FGD3: variants seen among roughly 807,000 people sequenced by gnomAD.
FGD3 encodes the protein FYVE, RhoGEF and PH domain-containing protein 3.
FGD3 carries 45 observed loss-of-function variants against 71.8 expected under a neutral mutation model. That is an observed-to-expected ratio of 0.63 (90% CI 0.49 to 0.80). The LOEUF (loss-of-function observed/expected upper bound fraction) is 0.80. FGD3 is among the 30% of genes least tolerant of loss of function. The pLI is 0.00. For missense variants in FGD3, 844 were observed against 951.5 expected (o/e 0.89, Z 1.49); for synonymous variants, 378 against 392.8 (o/e 0.96, Z 0.44).
chr9:93,033,534 C>T (rs1862459561), intron 16 of FGD3: 2 of 158,276 alleles, frequency 1.3e-5, no homozygotes, highest in East Asian at 1.9e-4. Context: ...TTCCTCTTTT[C>T]CTCCTCCACT....
rs141618615 is a variant in FGD3 at position 92,949,422 on chromosome 9, C to T, written c.-218+1693C>T. On this transcript the variant is annotated intron_variant, in intron 1 of 17. Coordinates refer to ENST00000375482, the MANE Select transcript of FGD3 (RefSeq NM_001083536.2). ...GCCTGCCAGTCTGCAGCGGGGCGTC[C>T]GTCCACTCTGGCTATGGGGACATGT... is the stretch of plus-strand genomic sequence containing the variant. 2.9e-3 allele frequency among the ~76,000 whole-genome samples: 438 copies of T among 152,268 alleles called. 2 individuals carry two copies. Among genetic ancestry groups the T allele is most frequent in the Non-Finnish European group, 4.7e-3 (321 of 68,008 alleles).
At chr9:92,968,599 CTTT>C (rs1859420208) in intron 1 of FGD3, among the ~76,000 whole-genome samples, 3 of 98,926 alleles carry the variant, frequency 3.0e-5, no homozygotes, top group South Asian at 3.6e-4. Flanking sequence ...TTTCTTTTTT[CTTT>C]CTTTCTTTTT....
Position 93,032,857 on chromosome 9 carries a change from C to A in FGD3, c.1769C>A (p.Ala590Asp), listed in dbSNP as rs1862409583. 1.2e-6 allele frequency: 2 copies of A among 1,614,160 alleles called. No individual in the cohort carries two copies. Among genetic ancestry groups the A allele is most frequent in the East Asian group, 4.5e-5 (2 of 44,874 alleles). Residue 590 changes from alanine (A) to aspartate (D), a missense_variant, in exon 16 of 18, where the codon GCC (alanine) becomes GAC (aspartate). Coordinates refer to ENST00000375482, the MANE Select transcript of FGD3 (RefSeq NM_001083536.2). ...CRDCFLTQPV[A>D]PESTEKTPTA... ...GATTGTTTCCTGACACAGCCAGTGG[C>A]CCCTGAGAGCACAGAGGTGGGTGCT...
chr9:93,020,827 G>A (rs1861889970), intron 13 of FGD3, among the ~76,000 whole-genome samples: 1 of 152,212 alleles, frequency 6.6e-6, no homozygotes, highest in Non-Finnish European at 1.5e-5. Context: ...TTCCATGGCA[G>A]CTTTAGGCTG....
At chr9:92,948,392 G>T (rs1450244534) in intron 1 of FGD3, among the ~76,000 whole-genome samples, 1 of 152,378 alleles carries the variant, frequency 6.6e-6, no homozygotes, top group South Asian at 2.1e-4. Context: ...GACATGGGCC[G>T]AAAGAGGCCG....
At chr9:92,955,681 A>G (rs1195400560) in intron 1 of FGD3, among the ~76,000 whole-genome samples, 2 of 152,210 alleles carry the variant, frequency 1.3e-5, no homozygotes, top group Non-Finnish European at 2.9e-5. Context: ...CAGTCAAGAC[A>G]CAGAGCAGCA....
intron 3 of FGD3, among the ~76,000 whole-genome samples, chr9:92,992,873 G>C (rs2118655745): frequency 6.6e-6 from 1 of 152,314 alleles, no homozygotes; most frequent in East Asian, 1.9e-4. Context: ...GGGCTTGCGA[G>C]GACTGTGGGA....
rs554012557 is a variant in FGD3, at chr9:92,964,960, C to T, written c.-217-10278C>T. 5.3e-5 allele frequency among the ~76,000 whole-genome samples: 8 copies of T among 152,314 alleles called. 1 individual carries two copies. Among genetic ancestry groups the T allele is most frequent in the East Asian group, 1.9e-4 (1 of 5,186 alleles). On this transcript the variant is annotated intron_variant, in intron 1 of 17. Coordinates refer to ENST00000375482, the MANE Select transcript of FGD3 (RefSeq NM_001083536.2). ...TCTGCAGGTTAGATATTAGCAGATGCGGGCCTGTGTAGCATGGGGCTGTGA... is the reference window on the plus strand; with the variant it reads ...TCTGCAGGTTAGATATTAGCAGATGTGGGCCTGTGTAGCATGGGGCTGTGA...
intron 3 of FGD3, among the ~76,000 whole-genome samples, chr9:92,979,110 T>C (rs1248983956): frequency 1.3e-5 from 2 of 152,020 alleles, no homozygotes; most frequent in Non-Finnish European, 2.9e-5. Context: ...CCTTTTTCTC[T>C]CCTAATTGCT....
At chr9:93,005,463 C>T (rs1168942622) in intron 5 of FGD3, among the ~76,000 whole-genome samples, 2 of 152,174 alleles carry the variant, frequency 1.3e-5, no homozygotes, top group African/African-American at 4.8e-5. Flanking sequence ...AGTTCACAGT[C>T]ATGCCTTAGT....
In FGD3 at chr9:92,959,706, CA is replaced by C. The variant is rs10658844; in HGVS notation, c.-218+11999del. ...TGGGCAACAGAGGGAAACTCAGTCT[CA>C]AAAAAAAAAAAAAAAAAAAAATCAG... On this transcript the variant is annotated intron_variant, in intron 1 of 17. Coordinates refer to ENST00000375482, the MANE Select transcript of FGD3 (RefSeq NM_001083536.2). Among the ~76,000 whole-genome samples the C allele has an allele frequency of 8.6e-3, 690 of 80,532 alleles. 1 individual carries two copies. Among genetic ancestry groups the C allele is most frequent in the East Asian group, 0.033 (95 of 2,878 alleles). The allele number at this position is 80,532 out of a possible 152,430, so 52.8% of individuals were successfully genotyped here. A position where few individuals can be genotyped will look rare whatever the true frequency, so the allele number is the denominator to read the frequency against.
chr9:92,986,276 AATG>A (rs1860183573), intron 3 of FGD3, among the ~76,000 whole-genome samples: 1 of 152,168 alleles, frequency 6.6e-6, no homozygotes, highest in African/African-American at 2.4e-5. Flanking sequence ...TGAGCAACAA[AATG>A]ATGATCTCTT....
At chr9:92,970,548 C>CA (rs1859493462) in intron 1 of FGD3, among the ~76,000 whole-genome samples, 1 of 152,176 alleles carries the variant, frequency 6.6e-6, no homozygotes, top group East Asian at 1.9e-4. Context: ...AGTGATTGGC[C>CA]AGCCACTGTT....
chr9:92,998,133 C>T (rs1373291962), intron 3 of FGD3, among the ~76,000 whole-genome samples: 2 of 152,224 alleles, frequency 1.3e-5, no homozygotes, highest in African/African-American at 4.8e-5. Context: ...GGTCTTTTCA[C>T]ATAGTCTCAT....
chr9:92,948,379 A>G (rs1292849922), intron 1 of FGD3, among the ~76,000 whole-genome samples: 1 of 152,174 alleles, frequency 6.6e-6, no homozygotes, highest in Non-Finnish European at 1.5e-5. Flanking sequence ...AGTTCTTCGG[A>G]TAGACATGGG....
intron 14 of FGD3, among the ~76,000 whole-genome samples, chr9:93,024,167 A>G (rs1400499232): frequency 1.3e-5 from 2 of 152,218 alleles, no homozygotes; most frequent in Non-Finnish European, 2.9e-5. Context: ...CCAGACTCAC[A>G]GAGCTCTTTA....
In FGD3 at chr9:92,976,344, G is replaced by C; in HGVS notation, c.88G>C (p.Gly30Arg). ...PDTGPGSSSL[G>R]KLQALPVGPR... is the part of the protein sequence containing the mutation. ...CACTGGGCCTGGCAGTTCCTCCCTA[G>C]GGAAGCTTCAGGCGCTCCCTGTTGG... The change falls in exon 3 of 18, where the codon GGG becomes CGG. Residue 30 changes from glycine (G) to arginine (R), a missense_variant. Coordinates refer to ENST00000375482, the MANE Select transcript of FGD3 (RefSeq NM_001083536.2). The C allele has an allele frequency of 1.2e-6, 2 of 1,610,806 alleles. No individual in the cohort carries two copies. Among genetic ancestry groups the C allele is most frequent in the Non-Finnish European group, 1.7e-6 (2 of 1,179,146 alleles).
intron 1 of FGD3, among the ~76,000 whole-genome samples, chr9:92,960,166 G>T (rs532622324): frequency 6.6e-6 from 1 of 151,574 alleles, no homozygotes; most frequent in South Asian, 2.1e-4. Flanking sequence ...ATGTCTTCAG[G>T]TTCCCATGTC....
Position 93,010,359 on chromosome 9 carries a change from C to A in FGD3, c.951C>A (p.Asp317Glu). ...ACTATCTGAAGAGGCTCCCGCAGGA[C>A]GCCCCAGACCGGAAGGATGCGGAGA... Reference protein sequence around the residue: ...LKDYLKRLPQDAPDRKDAERS... With the variant: ...LKDYLKRLPQEAPDRKDAERS... Residue 317 changes from aspartate to glutamate, a missense_variant, in exon 7 of 18, where the codon GAC becomes GAA. Physicochemically the swap from Asp to Glu is conservative, Grantham distance 45. Transcript: ENST00000375482. The A allele has an allele frequency of 6.2e-7, 1 of 1,612,336 alleles. No individual in the cohort carries two copies. Among genetic ancestry groups the A allele is most frequent in the Non-Finnish European group, 8.5e-7 (1 of 1,178,688 alleles).
Sources: allele counts gnomAD v4.1 joint callset (sites outside exome capture counted in the v4.1 genomes callset), GRCh38; gene constraint gnomAD v4.1.1; transcripts MANE v1.5; gene names NCBI Gene and HGNC (gene_info 2026-07-23, HGNC 2026-07-21).